GRM7: variants seen among roughly 807,000 people sequenced by gnomAD.
GRM7 encodes the protein glutamate metabotropic receptor 7.
A neutral mutation model predicts 84.5 loss-of-function variants in GRM7; 35 were observed. The ratio of observed to expected loss-of-function variants is 0.41; its 90% confidence interval spans 0.32 to 0.55. The LOEUF (loss-of-function observed/expected upper bound fraction) is 0.55, where lower values mean the gene tolerates loss of function less well. GRM7 is among the 20% of genes least tolerant of loss of function. GRM7 has a pLI of 0.19. For missense variants in GRM7, 1,003 were observed against 1,194.6 expected (o/e 0.84, Z 2.36); for synonymous variants, 487 against 455.1 (o/e 1.07, Z -0.89).
intron 9 of GRM7, among the ~76,000 whole-genome samples, chr3:7,718,955 T>A (rs936634302): frequency 1.5e-4 from 23 of 152,202 alleles, no homozygotes; most frequent in African/African-American, 5.5e-4. Context: ...TGTTTGTGCA[T>A]CTATCACAGC....
At chr3:7,527,191 A>G (rs1048297468) in intron 7 of GRM7, among the ~76,000 whole-genome samples, 38 of 151,760 alleles carry the variant, frequency 2.5e-4, no homozygotes, top group African/African-American at 8.7e-4. Context: ...TTTGTTTTCT[A>G]TGATTTATTT....
chr3:7,627,520 G>A (rs562822487), intron 8 of GRM7, among the ~76,000 whole-genome samples: 4 of 152,272 alleles, frequency 2.6e-5, no homozygotes, highest in Admixed American at 1.3e-4. Flanking sequence ...ACAGACATTC[G>A]CATGGTATTA....
At position 7,306,503 on chromosome 3, in the gene GRM7, T is replaced by C. The variant is rs1387430367; in HGVS notation, c.884T>C (p.Ile295Thr). 1 of 1,613,756 alleles carries C rather than the reference T, an allele frequency of 6.2e-7. No individual in the cohort carries two copies. The highest frequency in any genetic ancestry group is 1.7e-5 in the Admixed American group (1 of 60,020). ...TTCCATATTTCTTTCCACAGGCAGA[T>C]CCTTGCAGCAGCCAAAAGAGCTGAC... ...IFANDEDIKQ[I>T]LAAAKRADQV... The change falls in exon 4 of 10, where the codon ATC (isoleucine) becomes ACC (threonine). Residue 295 changes from isoleucine (I) to threonine (T), a missense_variant. This residue lies in a region of GRM7 where 910 missense variants were observed against 1,126.0 expected (regional missense o/e 0.81). Transcript: ENST00000357716.
intron 2 of GRM7, among the ~76,000 whole-genome samples, chr3:7,238,195 G>T (rs1407463560): frequency 6.6e-6 from 1 of 152,036 alleles, no homozygotes; most frequent in East Asian, 1.9e-4. Flanking sequence ...AATCTCTTCG[G>T]TTGTCCTCTC....
intron 8 of GRM7, among the ~76,000 whole-genome samples, chr3:7,600,209 T>C (rs1696249496): frequency 6.6e-6 from 1 of 152,196 alleles, no homozygotes; most frequent in South Asian, 2.1e-4. Context: ...AAAATCAATT[T>C]ATTTTTATTC....
chr3:7,650,160 G>C (rs1359364262), intron 8 of GRM7, among the ~76,000 whole-genome samples: 1 of 152,164 alleles, frequency 6.6e-6, no homozygotes, highest in Non-Finnish European at 1.5e-5. Flanking sequence ...ATGTTTCGAG[G>C]TTAATGCTAT....
At chr3:7,405,224 T>C (rs1695623623) in intron 4 of GRM7, among the ~76,000 whole-genome samples, 2 of 152,160 alleles carry the variant, frequency 1.3e-5, no homozygotes, top group African/African-American at 2.4e-5. Context: ...ATATCAAGGA[T>C]AGTATATAAG....
intron 4 of GRM7, among the ~76,000 whole-genome samples, chr3:7,365,629 A>ATGTG (rs1559269154): frequency 7.5e-6 from 1 of 133,964 alleles, no homozygotes; most frequent in African/African-American, 2.9e-5. Context: ...TTTAATATGC[A>ATGTG]TGTGTGTGTG....
chr3:7,123,335 G>A (rs1693286552), intron 1 of GRM7, among the ~76,000 whole-genome samples: 1 of 152,046 alleles, frequency 6.6e-6, no homozygotes, highest in Non-Finnish European at 1.5e-5. Context: ...TTAAGAAAGT[G>A]GGGCCAGGCA....
At chr3:7,139,418 TTTAG>T (rs1237324389) in intron 1 of GRM7, among the ~76,000 whole-genome samples, 6 of 151,882 alleles carry the variant, frequency 4.0e-5, no homozygotes, top group Non-Finnish European at 5.9e-5. Flanking sequence ...CTTAAAGTTA[TTTAG>T]TTAGAGAAGC....
intron 1 of GRM7, among the ~76,000 whole-genome samples, chr3:6,978,604 T>C (rs1312915496): frequency 1.3e-5 from 2 of 152,116 alleles, no homozygotes; most frequent in African/African-American, 4.8e-5. Flanking sequence ...TTAGGCAAAA[T>C]TGCACTGCAA....
At chr3:6,966,849 A>G (rs887884060) in intron 1 of GRM7, among the ~76,000 whole-genome samples, 2 of 152,340 alleles carry the variant, frequency 1.3e-5, no homozygotes, top group South Asian at 2.1e-4. Context: ...ATCTGGGAGT[A>G]TAAATCTTGG....
rs187018534 is a variant in GRM7 at position 7,373,035 on chromosome 3, A to G, written c.1034-41988A>G. On this transcript the variant is annotated intron_variant, in intron 4 of 9. Transcript: ENST00000357716. The stretch of plus-strand genomic sequence containing the variant: ...ACAGCATATTTGAAATCTTTTTGAA[A>G]TGTGGAATTATGATCCACTTATTGA... Among the ~76,000 whole-genome samples, 3 of 152,310 alleles carry G rather than the reference A, an allele frequency of 2.0e-5. No individual in the cohort carries two copies. The East Asian group carries it at 5.8e-4, about 29-fold the overall frequency.
intron 4 of GRM7, among the ~76,000 whole-genome samples, chr3:7,309,390 CTTGT>C (rs1700312401): frequency 6.6e-6 from 1 of 152,040 alleles, no homozygotes; most frequent in Non-Finnish European, 1.5e-5. Context: ...TGCTTGTTTT[CTTGT>C]TTGTTTCCTT....
chr3:7,351,875 A>T (rs183415921), intron 4 of GRM7, among the ~76,000 whole-genome samples: 1 of 151,836 alleles, frequency 6.6e-6, no homozygotes, highest in African/African-American at 2.4e-5. Flanking sequence ...GAGGCTTTCA[A>T]ACTTGGACTG....
At chr3:7,381,942 C>CA (rs1304597449) in intron 4 of GRM7, among the ~76,000 whole-genome samples, 1 of 151,988 alleles carries the variant, frequency 6.6e-6, no homozygotes, top group East Asian at 1.9e-4. Flanking sequence ...TATGTGTGTG[C>CA]ATTTATTTCT....
rs1694800488 is a variant in GRM7, at chr3:6,862,724, C to T, written c.519+817C>T. 2 of 246,254 alleles carry T rather than the reference C, an allele frequency of 8.1e-6. No homozygotes were observed. The highest frequency in any genetic ancestry group is 5.9e-5 in the South Asian group (2 of 33,960). 15.3% of individuals were successfully genotyped at this position (246,254 alleles called of 1,614,324 possible). A position where few individuals can be genotyped will look rare whatever the true frequency, so the allele number is the denominator to read the frequency against. The stretch of plus-strand genomic sequence containing the variant: ...CGCTCTCCCTGCCTCCTCCCTCCTC[C>T]CCCCCGCCCCCCTCACCCACTATCT... On this transcript the variant is annotated intron_variant, in intron 1 of 9. Transcript: ENST00000357716. This position sits in a 1 kb window ranked among gnomAD's most constrained non-coding sequence, Gnocchi z 5.2.
chr3:7,157,982 G>A (rs1694508640), intron 2 of GRM7, among the ~76,000 whole-genome samples: 1 of 152,120 alleles, frequency 6.6e-6, no homozygotes, highest in African/African-American at 2.4e-5. Flanking sequence ...TGCTTGCCAT[G>A]CAGTCTAATA....
At chr3:6,876,216 C>T (rs967667777) in intron 1 of GRM7, among the ~76,000 whole-genome samples, 10 of 151,778 alleles carry the variant, frequency 6.6e-5, no homozygotes, top group South Asian at 6.2e-4. Flanking sequence ...AGCAATGAGC[C>T]GAGATCGCAC....
Sources: gnomAD v4.1 joint callset for allele counts (sites outside exome capture counted in the v4.1 genomes callset) on GRCh38, gnomAD v4.1.1 for gene constraint, gnomAD v4.1.1 regional missense constraint, Gnocchi (gnomAD v3.1) non-coding constraint, MANE v1.5 for transcripts, NCBI Gene and HGNC (gene_info 2026-07-23, HGNC 2026-07-21) for gene names.